Variants in DDX10 observed in about 807,000 individuals in gnomAD.
The protein encoded by DDX10 is DEAD-box helicase 10, also known as probable ATP-dependent RNA helicase DDX10.
DDX10 carries 74 observed loss-of-function variants against 104.3 expected under a neutral mutation model. The observed-to-expected ratio is 0.71, with a 90% CI of 0.59 to 0.86. The LOEUF (loss-of-function observed/expected upper bound fraction) is 0.86, where lower values mean the gene tolerates loss of function less well. Among genes scored for constraint, DDX10 ranks in the 40% least tolerant of loss-of-function variants. The probability of loss-of-function intolerance (pLI) is 0.00; values close to 1 mark genes in which losing one functional copy is unlikely to be tolerated. For missense variants in DDX10, 952 were observed against 1,040.0 expected (o/e 0.92, Z 1.16); for synonymous variants, 351 against 353.4 (o/e 0.99, Z 0.08).
chr11:108,715,869 T>C lies in DDX10; in HGVS notation c.1323-10T>C, dbSNP rs771285141. 2 of 1,373,516 alleles carry C rather than the reference T, an allele frequency of 1.5e-6. No individual in the cohort carries two copies. Among genetic ancestry groups the C allele is most frequent in the African/African-American group, 2.9e-5 (2 of 69,032 alleles). 85.1% of individuals were successfully genotyped at this position (1,373,516 alleles called of 1,614,324 possible). On this transcript the variant is annotated splice_polypyrimidine_tract_variant and intron_variant, in intron 10 of 17. Coordinates refer to ENST00000322536, the MANE Select transcript of DDX10 (RefSeq NM_004398.4). ...TATCTTATTTTAACCTTTATCTTTT[T>C]GTTACAAAGAATCAATCCAGAAAAA...
At chr11:108,794,907 A>G (rs1350652335) in intron 13 of DDX10, among the ~76,000 whole-genome samples, 1 of 151,500 alleles carries the variant, frequency 6.6e-6, no homozygotes, top group Non-Finnish European at 1.5e-5. Context: ...GCTCACCTGT[A>G]ACCTCCGCCT....
chr11:108,901,610 C>T (rs1405568906), intron 16 of DDX10, among the ~76,000 whole-genome samples: 1 of 152,132 alleles, frequency 6.6e-6, no homozygotes, highest in African/African-American at 2.4e-5. Context: ...CATCCCTTTG[C>T]TCCAAATAAA....
chr11:108,920,714 G>A (rs1005514695), intron 17 of DDX10: 6 of 152,322 alleles, frequency 3.9e-5, no homozygotes, highest in Middle Eastern at 3.4e-3. Flanking sequence ...AATGTCATTT[G>A]ACTAAACACC....
intron 13 of DDX10, among the ~76,000 whole-genome samples, chr11:108,813,414 G>A (rs1435792773): frequency 1.3e-5 from 2 of 152,082 alleles, no homozygotes; most frequent in African/African-American, 4.8e-5. Context: ...GTCCAATTGG[G>A]CTGATGATCT....
intron 15 of DDX10, among the ~76,000 whole-genome samples, chr11:108,846,147 A>G (rs1293281291): frequency 6.6e-6 from 1 of 152,180 alleles, no homozygotes; most frequent in Non-Finnish European, 1.5e-5. Flanking sequence ...TAATTGACAC[A>G]TAATAATTGT....
chr11:108,933,489 ATAGT>A (rs970589931), intron 17 of DDX10, among the ~76,000 whole-genome samples: 3 of 152,192 alleles, frequency 2.0e-5, no homozygotes, highest in African/African-American at 7.2e-5. Flanking sequence ...TAAAAGGATA[ATAGT>A]TAGATATTAT....
At chr11:108,914,489 G>T (rs991312607) in intron 16 of DDX10, among the ~76,000 whole-genome samples, 1 of 152,138 alleles carries the variant, frequency 6.6e-6, no homozygotes, top group African/African-American at 2.4e-5. Flanking sequence ...GATCAAAACA[G>T]ATATAAGCAG....
At chr11:108,902,541 A>T (rs1348719230) in intron 16 of DDX10, among the ~76,000 whole-genome samples, 1 of 152,202 alleles carries the variant, frequency 6.6e-6, no homozygotes, top group Non-Finnish European at 1.5e-5. Context: ...TAATGGGAAT[A>T]TTAACACTTT....
chr11:108,884,709 A>G (rs1052542676), intron 16 of DDX10, among the ~76,000 whole-genome samples: 2 of 152,048 alleles, frequency 1.3e-5, no homozygotes, highest in Non-Finnish European at 2.9e-5. Context: ...CAGTTATCTA[A>G]TGTTTTGTTT....
intron 17 of DDX10, among the ~76,000 whole-genome samples, chr11:108,937,861 A>T (rs1474933933): frequency 1.3e-5 from 2 of 152,140 alleles, no homozygotes; most frequent in African/African-American, 4.8e-5. Context: ...TGCTTTATCC[A>T]TTACGTTGCA....
chr11:108,803,893 T>A (rs1191060123), intron 13 of DDX10, among the ~76,000 whole-genome samples: 1 of 152,196 alleles, frequency 6.6e-6, no homozygotes, highest in Non-Finnish European at 1.5e-5. Context: ...TTTGCTATCC[T>A]ATGAGGGTTA....
Position 108,897,166 on chromosome 11 carries a change from C to T in DDX10, c.2305-20707C>T, listed in dbSNP as rs572517833. Among the ~76,000 whole-genome samples, 6 of 152,218 alleles carry T rather than the reference C, an allele frequency of 3.9e-5. No individual in the cohort carries two copies. The South Asian group carries it at 8.3e-4, about 21-fold the overall frequency. On this transcript the variant is annotated intron_variant, in intron 16 of 17. Transcript: ENST00000322536. Reference sequence around the variant, plus strand: ...GAAGCACAAATTATCTCCAAAGAGGCGGAAAGCAGGCCTTACAAGATCCAG... The same window carrying T: ...GAAGCACAAATTATCTCCAAAGAGGTGGAAAGCAGGCCTTACAAGATCCAG...
intron 13 of DDX10, among the ~76,000 whole-genome samples, chr11:108,770,992 C>T (rs2094362446): frequency 6.6e-6 from 1 of 152,084 alleles, no homozygotes; most frequent in Non-Finnish European, 1.5e-5. Flanking sequence ...TCCCTTTTCT[C>T]CACGTCCTCA....
chr11:108,737,546 C>T (rs1467631960), intron 13 of DDX10, among the ~76,000 whole-genome samples: 1 of 152,106 alleles, frequency 6.6e-6, no homozygotes, highest in Non-Finnish European at 1.5e-5. Context: ...ATTCTAGGCT[C>T]TAGAAAAAAG....
At chr11:108,887,966 C>CA (rs1863323324) in intron 16 of DDX10, among the ~76,000 whole-genome samples, 1 of 151,176 alleles carries the variant, frequency 6.6e-6, no homozygotes, top group African/African-American at 2.4e-5. Flanking sequence ...TTTTCCCCCC[C>CA]ACTTTCTAGT....
At chr11:108,858,024 C>A (rs1264991020) in intron 16 of DDX10, among the ~76,000 whole-genome samples, 1 of 152,144 alleles carries the variant, frequency 6.6e-6, no homozygotes, top group East Asian at 1.9e-4. Context: ...CACTGGAATC[C>A]CAGCAGCTTA....
Position 108,706,837 on chromosome 11 carries a change from A to AG in DDX10, c.1322+1dup. On this transcript the variant is annotated frameshift_variant and splice_region_variant. Transcript: ENST00000322536. LOFTEE classifies it high-confidence loss of function. ...AAGAAAGTACCTGTGAAGGAAATCA[A>AG]GTAAGAGCTACTTGTTGTCTTTATG... The AG allele has an allele frequency of 6.2e-7, 1 of 1,611,812 alleles. No individual in the cohort carries two copies. The highest frequency in any genetic ancestry group is 1.1e-5 in the South Asian group (1 of 91,018).
At chr11:108,715,738 T>G in intron 10 of DDX10, 141 bp from the exon 11 acceptor site, 1 of 587,242 alleles carries the variant, frequency 1.7e-6, no homozygotes, top group Non-Finnish European at 3.1e-6. Context: ...ATGTCTAGTT[T>G]AATTTCCGTC....
intron 16 of DDX10, among the ~76,000 whole-genome samples, chr11:108,898,037 C>G (rs1006177748): frequency 2.0e-5 from 3 of 152,106 alleles, no homozygotes; most frequent in Non-Finnish European, 4.4e-5. Context: ...AAAAAGTTCA[C>G]TCCCCGAAAT....
Sources: gnomAD v4.1 joint callset for allele counts (sites outside exome capture counted in the v4.1 genomes callset) on GRCh38, gnomAD v4.1.1 for gene constraint, MANE v1.5 for transcripts, NCBI Gene and HGNC (gene_info 2026-07-23, HGNC 2026-07-21) for gene names.